The following RAB41 variants were observed in gnomAD, a reference collection of about 807,000 sequenced individuals.
The protein encoded by RAB41 is ras-related protein Rab-41.
Under a neutral mutation model 19.0 loss-of-function variants are expected in RAB41, and 15 were observed. That is an observed-to-expected ratio of 0.79 (90% CI 0.53 to 1.21). The LOEUF is 1.21. Ranked by LOEUF, RAB41 falls within the 50% of genes most tolerant of loss-of-function variation. RAB41 has a pLI of 0.00. For missense variants in RAB41, 177 were observed against 179.7 expected (o/e 0.99, Z 0.09); for synonymous variants, 73 against 64.7 (o/e 1.13, Z -0.62).
Position 70,282,396 on chromosome X carries a change from G to A in RAB41, c.124+55G>A, listed in dbSNP as rs1218944590. 4.4e-5 allele frequency: 52 copies of A among 1,187,533 alleles called. 1 individual carries two copies. In the Admixed American group the frequency reaches 1.1e-3, roughly 26 times the overall value. ...TGGAGGTGTAATTGGTATGAAATGG[G>A]GTGGGGCATTCTCTGGGGAACCGAG... On this transcript the variant is annotated intron_variant, in intron 1 of 7. Coordinates refer to ENST00000374473, the MANE Select transcript of RAB41 (RefSeq NM_001363807.1).
chrX:70,282,932 C>CA lies in RAB41; in HGVS notation c.237+85dup, dbSNP rs766502980. 598 of 839,914 alleles carry CA rather than the reference C, an allele frequency of 7.1e-4. 1 individual carries two copies. The African/African-American group carries it at 8.8e-3, about 12-fold the overall frequency. The allele number at this position is 839,914 out of a possible 1,213,427, so 69.2% of individuals were successfully genotyped here. On this transcript the variant is annotated intron_variant, in intron 3 of 7. Coordinates refer to ENST00000374473, the MANE Select transcript of RAB41 (RefSeq NM_001363807.1). ...ATTCATCACAGTTGGGTAGCACCAT[C>CA]AAAAAAAACTGAAGCCTCTTCAAAT...
intron 1 of RAB41, 93 bp from the exon 2 acceptor site, chrX:70,282,440 G>T (rs148602544): frequency 1.2e-5 from 14 of 1,168,284 alleles, no homozygotes; most frequent in Admixed American, 2.2e-5. Context: ...CGTTGGGAAA[G>T]ATTGGAGTTG....
Position 70,284,889 on chromosome X carries a change from T to TCTGTA in RAB41, c.*247_*251dup. On this transcript the variant is annotated 3_prime_UTR_variant, in exon 8 of 8. Coordinates refer to ENST00000374473, the MANE Select transcript of RAB41 (RefSeq NM_001363807.1). ...TACCTTCTCCGACAGCTAAAAGACA[T>TCTGTA]CTGTAGAGAATACAGTTCTACAGCA... 2.4e-6 allele frequency: 1 copy of TCTGTA among 410,666 alleles called. No homozygotes were observed. 33.8% of individuals were successfully genotyped at this position (410,666 alleles called of 1,213,427 possible). A position where few individuals can be genotyped will look rare whatever the true frequency, so the allele number is the denominator to read the frequency against.
At position 70,282,829 on chromosome X, in the gene RAB41, A is replaced by G. The variant is rs1569224241; in HGVS notation, c.211A>G (p.Lys71Glu). 1 of 1,210,158 alleles carries G rather than the reference A, an allele frequency of 8.3e-7. No individual in the cohort carries two copies. The highest frequency in any genetic ancestry group is 1.7e-5 in the African/African-American group (1 of 57,775). ...QATVGIDFLS[K>E]TMYLEDQIVQ... ...AACTGTTGGAATTGACTTCTTGTCTAAGACCATGTACTTGGAGGACCAAAT... is the reference window on the plus strand; with the variant it reads ...AACTGTTGGAATTGACTTCTTGTCTGAGACCATGTACTTGGAGGACCAAAT... Residue 71 changes from lysine (K) to glutamate (E), a missense_variant, in exon 3 of 8, where the codon AAG becomes GAG. Lys to Glu is a moderately conservative substitution (Grantham distance 56). Transcript: ENST00000374473.
chrX:70,284,255 C>A lies in RAB41; in HGVS notation c.550-11C>A, dbSNP rs779515702. On this transcript the variant is annotated splice_polypyrimidine_tract_variant and intron_variant, in intron 6 of 7. Transcript: ENST00000374473. Reference sequence around the variant, plus strand: ...TTTTTTTTTTTGGTCCCCATTCACACACACACACAGCTGTTCCGGCGTGTG... The same window carrying A: ...TTTTTTTTTTTGGTCCCCATTCACAAACACACACAGCTGTTCCGGCGTGTG... 3.4e-4 allele frequency: 410 copies of A among 1,196,015 alleles called. 3 individuals carry two copies. The South Asian group carries it at 6.8e-3, about 20-fold the overall frequency.
intron 7 of RAB41, 58 bp from the exon 8 acceptor site, chrX:70,284,530 G>A (rs962682249): frequency 3.5e-5 from 36 of 1,041,852 alleles, no homozygotes; most frequent in Non-Finnish European, 4.7e-5. Context: ...CTGACCTTGG[G>A]TGTTAAGATT....
chrX:70,283,127 G>C, intron 3 of RAB41, 141 bp from the exon 4 acceptor site: 3 of 526,195 alleles, frequency 5.7e-6, no homozygotes. Context: ...AGGCCATTTG[G>C]TCTGAGGCTA....
intron 3 of RAB41, 75 bp downstream of exon 3, chrX:70,282,930 A>T: frequency 1.1e-6 from 1 of 892,755 alleles, no homozygotes; most frequent in African/African-American, 2.0e-5. Flanking sequence ...GGGTAGCACC[A>T]TCAAAAAAAA....
chrX:70,282,200 T>C lies in RAB41; in HGVS notation c.-18T>C. ...GCTGAGCGTTGGAAGCCATTTTGGCTGCAACCTACCTGAAGCGATGTCTGC... is the reference window on the plus strand; with the variant it reads ...GCTGAGCGTTGGAAGCCATTTTGGCCGCAACCTACCTGAAGCGATGTCTGC... On this transcript the variant is annotated 5_prime_UTR_variant, in exon 1 of 8. Coordinates refer to ENST00000374473, the MANE Select transcript of RAB41 (RefSeq NM_001363807.1). 8.3e-7 allele frequency: 1 copy of C among 1,211,610 alleles called. No homozygotes were observed. The highest frequency in any genetic ancestry group is 1.1e-6 in the Non-Finnish European group (1 of 895,171).
rs765307899 is a variant in RAB41 at position 70,284,592 on chromosome X, T to A, written c.618T>A (p.Val206=). The change falls in exon 8 of 8, where the codon GTT becomes GTA. Residue 206 remains valine (V), a synonymous_variant. Coordinates refer to ENST00000374473, the MANE Select transcript of RAB41 (RefSeq NM_001363807.1). ...CTTCCTTGACACACACTTCAGCGGT[T>A]GAAATCGAACTGGAATCCTTCGAGG... is the stretch of plus-strand genomic sequence containing the variant. The part of the protein sequence containing the change: ...RTSPPPKEGT[V]EIELESFEES... The A allele has an allele frequency of 8.3e-7, 1 of 1,209,960 alleles. No individual in the cohort carries two copies.
Position 70,283,544 on chromosome X carries a change from G to T in RAB41, c.375G>T (p.Trp125Cys). The T allele has an allele frequency of 8.3e-7, 1 of 1,208,492 alleles. No individual in the cohort carries two copies. Among genetic ancestry groups the T allele is most frequent in the Non-Finnish European group, 1.1e-6 (1 of 892,477 alleles). The change falls in exon 5 of 8, where the codon TGG becomes TGT. Residue 125 changes from tryptophan (W) to cysteine (C), a missense_variant. Trp to Cys is a radical substitution (Grantham distance 215). Transcript: ENST00000374473. Reference sequence around the variant, plus strand: ...ATTCTTTTAAGGAGACAGATAAGTGGGTAGAACACGTGCGAGCAGAAAGAG... The same window carrying T: ...ATTCTTTTAAGGAGACAGATAAGTGTGTAGAACACGTGCGAGCAGAAAGAG... ...NINSFKETDK[W>C]VEHVRAERGD...
At chrX:70,283,707 G>A in intron 5 of RAB41, 83 bp downstream of exon 5, 1 of 713,067 alleles carries the variant, frequency 1.4e-6, no homozygotes, top group Non-Finnish European at 2.2e-6. Flanking sequence ...TTTACTTGGG[G>A]AGGAGTTACC....
chrX:70,284,593 G>A lies in RAB41; in HGVS notation c.619G>A (p.Glu207Lys), dbSNP rs2085708182. 1 of 1,209,799 alleles carries A rather than the reference G, an allele frequency of 8.3e-7. No homozygotes were observed. The highest frequency in any genetic ancestry group is 3.0e-5 in the East Asian group (1 of 33,836). The change falls in exon 8 of 8, where the codon GAA becomes AAA. Residue 207 changes from glutamate (E) to lysine (K), a missense_variant. Physicochemically the swap from Glu to Lys is moderately conservative, Grantham distance 56. Transcript: ENST00000374473. Reference protein sequence around the residue: ...TSPPPKEGTVEIELESFEESG... With the variant: ...TSPPPKEGTVKIELESFEESG... ...TTCCTTGACACACACTTCAGCGGTT[G>A]AAATCGAACTGGAATCCTTCGAGGA...
At position 70,282,844 on chromosome X, in the gene RAB41, G is replaced by T; in HGVS notation, c.226G>T (p.Glu76Ter). ...IDFLSKTMYL[E>*]DQIVQLQLWD... ...CTTCTTGTCTAAGACCATGTACTTGGAGGACCAAATAGTGAGTGTTAACTC... is the reference window on the plus strand; with the variant it reads ...CTTCTTGTCTAAGACCATGTACTTGTAGGACCAAATAGTGAGTGTTAACTC... The change falls in exon 3 of 8, where the codon GAG becomes TAG. Residue 76 changes from glutamate (E) to a stop codon, truncating the protein, a stop_gained. Coordinates refer to ENST00000374473, the MANE Select transcript of RAB41 (RefSeq NM_001363807.1). LOFTEE classifies it high-confidence loss of function. The T allele has an allele frequency of 8.3e-7, 1 of 1,206,755 alleles. No homozygotes were observed. The highest frequency in any genetic ancestry group is 1.1e-6 in the Non-Finnish European group (1 of 890,931).
At position 70,283,630 on chromosome X, in the gene RAB41, G is replaced by T; in HGVS notation, c.455+6G>T. 1 of 1,121,027 alleles carries T rather than the reference G, an allele frequency of 8.9e-7. No homozygotes were observed. The highest frequency in any genetic ancestry group is 1.2e-6 in the Non-Finnish European group (1 of 812,684). 92.4% of individuals were successfully genotyped at this position (1,121,027 alleles called of 1,213,427 possible). On this transcript the variant is annotated splice_donor_region_variant and intron_variant, in intron 5 of 7. Transcript: ENST00000374473. ...ATTGATTTGGATAACAAAAGGTAAAGTATAACTACAACTTCTTCTGGCATA... is the reference window on the plus strand; with the variant it reads ...ATTGATTTGGATAACAAAAGGTAAATTATAACTACAACTTCTTCTGGCATA...
intron 2 of RAB41, 48 bp downstream of exon 2, chrX:70,282,639 G>A (rs2085694721): frequency 8.8e-7 from 1 of 1,142,221 alleles, no homozygotes; most frequent in Non-Finnish European, 1.2e-6. Context: ...ACTCTTCTTG[G>A]CGGACTCACC....
At chrX:70,282,421 G>A (rs2085692496) in intron 1 of RAB41, 80 bp downstream of exon 1, 4 of 1,170,281 alleles carry the variant, frequency 3.4e-6, no homozygotes, top group Non-Finnish European at 4.7e-6. Flanking sequence ...GGGGAACCGA[G>A]TTCCTCCTCG....
In RAB41 at chrX:70,282,340, C is replaced by T. The variant is rs780258439; in HGVS notation, c.123C>T (p.Ser41=). The change falls in exon 1 of 8, where the codon AGC becomes AGT. Residue 41 remains serine, a splice_region_variant and synonymous_variant. Transcript: ENST00000374473. The part of the protein sequence containing the change: ...KSKLLFLGEQ[S]VGKTSIISRF... ...AACTCTTATTCCTGGGAGAGCAGAGCGGTGTGGGTCTGGGTTGGGCTTTGG... is the reference window on the plus strand; with the variant it reads ...AACTCTTATTCCTGGGAGAGCAGAGTGGTGTGGGTCTGGGTTGGGCTTTGG... 88 of 1,209,423 alleles carry T rather than the reference C, an allele frequency of 7.3e-5. No homozygotes were observed. In the South Asian group the frequency reaches 9.5e-4, roughly 13 times the overall value.
Position 70,282,327 on chromosome X carries a change from T to G in RAB41, c.110T>G (p.Leu37Arg). The G allele has an allele frequency of 8.3e-7, 1 of 1,211,658 alleles. No homozygotes were observed. The highest frequency in any genetic ancestry group is 1.1e-6 in the Non-Finnish European group (1 of 895,405). The change falls in exon 1 of 8, where the codon CTG becomes CGG. Residue 37 changes from leucine (L) to arginine (R), a missense_variant. Coordinates refer to ENST00000374473, the MANE Select transcript of RAB41 (RefSeq NM_001363807.1). Reference protein sequence around the residue: ...QSLCKSKLLFLGEQSVGKTSI... With the variant: ...QSLCKSKLLFRGEQSVGKTSI... ...CTGTGCAAATCTAAACTCTTATTCC[T>G]GGGAGAGCAGAGCGGTGTGGGTCTG...
Sources: gnomAD v4.1 joint callset for allele counts on GRCh38, gnomAD v4.1.1 for gene constraint, MANE v1.5 for transcripts, NCBI Gene and HGNC (gene_info 2026-07-23, HGNC 2026-07-21) for gene names.